SART1: variants seen among roughly 807,000 people sequenced by gnomAD.
SART1 encodes U4/U6.U5 tri-snRNP-associated protein 1.
Under a neutral mutation model 105.0 loss-of-function variants are expected in SART1, and 28 were observed. The observed-to-expected ratio is 0.27, with a 90% CI of 0.20 to 0.37. The LOEUF (loss-of-function observed/expected upper bound fraction) is 0.37, where lower values mean the gene tolerates loss of function less well. SART1 is among the 10% of genes least tolerant of loss of function. SART1 has a pLI of 1.00. For missense variants in SART1, 894 were observed against 1,106.5 expected (o/e 0.81, Z 2.72); for synonymous variants, 472 against 462.9 (o/e 1.02, Z -0.25).
At chr11:65,964,421 C>A in intron 2 of SART1, 94 bp from the exon 3 acceptor site, 2 of 1,433,408 alleles carry the variant, frequency 1.4e-6, no homozygotes, top group Non-Finnish European at 2.0e-6. Context: ...TGGGACCACT[C>A]ACTCCCACCC....
intron 12 of SART1, 58 bp downstream of exon 12, chr11:65,967,879 C>T: frequency 7.2e-7 from 1 of 1,383,960 alleles, no homozygotes; most frequent in Non-Finnish European, 9.6e-7. Flanking sequence ...TCACGAGCAC[C>T]TGTGTCATAG....
rs766921064 is a variant in SART1 at position 65,966,461 on chromosome 11, C to G, written c.1093C>G (p.Leu365Val). The change falls in exon 9 of 20, where the codon CTG becomes GTG. Residue 365 changes from leucine to valine, a missense_variant. This residue lies in a region of SART1 where 712 missense variants were observed against 778.2 expected (regional missense o/e 0.91). Coordinates refer to ENST00000312397, the MANE Select transcript of SART1 (RefSeq NM_005146.5). ...GGCTGATGGCCTGCGGGAGCGGGAG[C>G]TGGAGGAGATCCGGGCCAAGCTGCG... is the stretch of plus-strand genomic sequence containing the variant. ...GTADGLRERELEEIRAKLRLQ... is the reference protein window; with the variant it reads ...GTADGLREREVEEIRAKLRLQ... The G allele has an allele frequency of 1.2e-5, 19 of 1,612,596 alleles. No individual in the cohort carries two copies. Among genetic ancestry groups the G allele is most frequent in the African/African-American group, 2.7e-5 (2 of 74,944 alleles).
chr11:65,968,385 G>A (rs1855305991), intron 12 of SART1, among the ~76,000 whole-genome samples: 1 of 152,200 alleles, frequency 6.6e-6, no homozygotes, highest in East Asian at 1.9e-4. Flanking sequence ...GGGCTGAGAA[G>A]GTCATTGGTG....
At position 65,976,115 on chromosome 11, in the gene SART1, G is replaced by T. The variant is rs1335610962; in HGVS notation, c.1573-280G>T. On this transcript the variant is annotated intron_variant, in intron 12 of 19. Coordinates refer to ENST00000312397, the MANE Select transcript of SART1 (RefSeq NM_005146.5). This position sits in a 1 kb window ranked among gnomAD's most constrained non-coding sequence, Gnocchi z 5.1. ...TTTGAGGCTGAGGTAGTGTGTGAGG[G>T]GCTTTGGAGGGGGATTGGCACAGGC... Among the ~76,000 whole-genome samples, 2 of 152,086 alleles carry T rather than the reference G, an allele frequency of 1.3e-5. No individual in the cohort carries two copies. The highest frequency in any genetic ancestry group is 2.9e-5 in the Non-Finnish European group (2 of 68,020).
In SART1 at chr11:65,978,008, G is replaced by A. The variant is rs1590646307; in HGVS notation, c.2172+109G>A. 4.0e-6 allele frequency: 5 copies of A among 1,251,940 alleles called. No individual in the cohort carries two copies. Among genetic ancestry groups the A allele is most frequent in the Non-Finnish European group, 5.5e-6 (5 of 906,380 alleles). The allele number at this position is 1,251,940 out of a possible 1,614,324, so 77.6% of individuals were successfully genotyped here. On this transcript the variant is annotated intron_variant, in intron 17 of 19. Coordinates refer to ENST00000312397, the MANE Select transcript of SART1 (RefSeq NM_005146.5). This position sits in a 1 kb window ranked among gnomAD's most constrained non-coding sequence, Gnocchi z 6.8. ...ATGCCCCAGGGTCCTGGCTCCACCA[G>A]CCTCTGGCTGGGGGCCTGGTGAATG...
At chr11:65,967,992 C>G (rs1855297371) in intron 12 of SART1, among the ~76,000 whole-genome samples, 171 bp downstream of exon 12, 1 of 148,960 alleles carries the variant, frequency 6.7e-6, no homozygotes, top group Non-Finnish European at 1.5e-5. Context: ...CTCTTTCGCC[C>G]AGGCTGGAAT....
At chr11:65,965,547 G>T in intron 5 of SART1, 100 bp downstream of exon 5, 1 of 1,372,096 alleles carries the variant, frequency 7.3e-7, no homozygotes, top group Non-Finnish European at 1.0e-6. Context: ...GGGGCTTGGA[G>T]AAGGGAAGGG....
intron 12 of SART1, among the ~76,000 whole-genome samples, chr11:65,974,844 G>A (rs1855450958): frequency 1.3e-5 from 2 of 151,914 alleles, no homozygotes; most frequent in South Asian, 2.1e-4. Context: ...GACCATCCAG[G>A]CTAGTACGGT....
Position 65,967,770 on chromosome 11 carries a change from C to T in SART1, c.1521C>T (p.Arg507=), listed in dbSNP as rs762613445. 11 of 1,549,998 alleles carry T rather than the reference C, an allele frequency of 7.1e-6. No individual in the cohort carries two copies. In the African/African-American group the frequency reaches 1.5e-4, roughly 21 times the overall value. The change falls in exon 12 of 20, where the codon CGC becomes CGT. Residue 507 remains arginine, a synonymous_variant. Transcript: ENST00000312397. ...TGCAGAAGCAGCTGGAGAAGGGACG[C>T]CGGCTGCGACAGTTACAGCAGCTAC... ...LELQKQLEKG[R]RLRQLQQLQQ... is the part of the protein sequence containing the mutation.
At chr11:65,966,052 G>A in intron 7 of SART1, 24 bp from the exon 8 acceptor site, 1 of 1,613,828 alleles carries the variant, frequency 6.2e-7, no homozygotes, top group Non-Finnish European at 8.5e-7. Flanking sequence ...AGTGTGAATG[G>A]CCACTGCTCT....
Position 65,961,751 on chromosome 11 carries a change from G to T in SART1, c.-30G>T. 6.8e-7 allele frequency: 1 copy of T among 1,467,764 alleles called. No homozygotes were observed. The highest frequency in any genetic ancestry group is 9.0e-7 in the Non-Finnish European group (1 of 1,114,708). 90.9% of individuals were successfully genotyped at this position (1,467,764 alleles called of 1,614,324 possible). A position where few individuals can be genotyped will look rare whatever the true frequency, so the allele number is the denominator to read the frequency against. On this transcript the variant is annotated 5_prime_UTR_variant, in exon 1 of 20. Transcript: ENST00000312397. ...CCATTTTGCGTTGTCTGGGCTCGGC[G>T]GCAGCCGGGCTCGGAGTGGACGTGC...
intron 1 of SART1, among the ~76,000 whole-genome samples, chr11:65,963,784 C>A (rs879411852): frequency 9.9e-5 from 15 of 152,066 alleles, no homozygotes; most frequent in Non-Finnish European, 1.5e-4. Flanking sequence ...CCGGCCCAGA[C>A]CTTGTCTGTT....
At chr11:65,962,576 A>G (rs929311671) in intron 1 of SART1, among the ~76,000 whole-genome samples, 30 of 152,352 alleles carry the variant, frequency 2.0e-4, no homozygotes, top group African/African-American at 7.0e-4. Flanking sequence ...ATGTGAACAC[A>G]AAGGACCCTG....
At position 65,978,899 on chromosome 11, in the gene SART1, G is replaced by T; in HGVS notation, c.2369G>T (p.Gly790Val). Residue 790 changes from glycine (G) to valine (V), a missense_variant, in exon 19 of 20, where the codon GGC becomes GTC. Physicochemically the swap from Gly to Val is moderately radical, Grantham distance 109 (BLOSUM62 -3). Coordinates refer to ENST00000312397, the MANE Select transcript of SART1 (RefSeq NM_005146.5). This position sits in a 1 kb window ranked among gnomAD's most constrained non-coding sequence, Gnocchi z 6.8. ...CCCTACATCGTGCTCAGCGGCAGCGGCAAGAGCATGAACGCGTGAGTGGCT... is the reference window on the plus strand; with the variant it reads ...CCCTACATCGTGCTCAGCGGCAGCGTCAAGAGCATGAACGCGTGAGTGGCT... ...KTPYIVLSGS[G>V]KSMNANTITK is the part of the protein sequence containing the mutation. 1 of 1,614,036 alleles carries T rather than the reference G, an allele frequency of 6.2e-7. No homozygotes were observed. The highest frequency in any genetic ancestry group is 8.5e-7 in the Non-Finnish European group (1 of 1,179,980).
intron 3 of SART1, 22 bp downstream of exon 3, chr11:65,964,592 G>A (rs374906330): frequency 5.0e-6 from 8 of 1,594,034 alleles, no homozygotes; most frequent in Non-Finnish European, 6.8e-6. Context: ...GCTGAGGATA[G>A]GGTTTGGGGG....
Position 65,976,555 on chromosome 11 carries a change from AGGAGGAGCTCATGGTGCGTCTGGGGCG to A in SART1, c.1735_1746+15del. 6.2e-7 allele frequency: 1 copy of A among 1,611,904 alleles called. No homozygotes were observed. Among genetic ancestry groups the A allele is most frequent in the Non-Finnish European group, 8.5e-7 (1 of 1,178,960 alleles). ...GGGCTGGCTGGCAATCGCGAGGAGCAGGAGGAGCTCATGGTGCGTCTGGGGCGGCCCCGCCCTCTGCTTCCCTCGGCT... is the reference window on the plus strand; with the variant it reads ...GGGCTGGCTGGCAATCGCGAGGAGCAGCCCCGCCCTCTGCTTCCCTCGGCT... On this transcript the variant is annotated splice_donor_variant and splice_donor_5th_base_variant and coding_sequence_variant and intron_variant, in exon 13 of 20. Coordinates refer to ENST00000312397, the MANE Select transcript of SART1 (RefSeq NM_005146.5). LOFTEE classifies it high-confidence loss of function. This position sits in a 1 kb window ranked among gnomAD's most constrained non-coding sequence, Gnocchi z 5.1.
intron 12 of SART1, among the ~76,000 whole-genome samples, chr11:65,968,776 G>A (rs141923813): frequency 5.3e-5 from 8 of 152,240 alleles, no homozygotes; most frequent in African/African-American, 1.2e-4. Flanking sequence ...GAGGGGTGGC[G>A]TGAGCTGAGA....
In SART1 at chr11:65,965,944, T is replaced by G. The variant is rs1855243946; in HGVS notation, c.796T>G (p.Phe266Val). ...CACCGTGGAGCATGCCATTGATTCC[T>G]TCCGAGAAGGGGAGACAATGATTCT... ...GLTVEHAIDSFREGETMILTL... is the reference protein window; with the variant it reads ...GLTVEHAIDSVREGETMILTL... Residue 266 changes from phenylalanine (F) to valine (V), a missense_variant, in exon 7 of 20, where the codon TTC becomes GTC. Around this residue, in one of 2 missense-constraint regions of SART1, gnomAD observed 712 missense variants for 778.2 expected, o/e 0.91. Transcript: ENST00000312397. The G allele has an allele frequency of 6.2e-7, 1 of 1,614,114 alleles. No homozygotes were observed. The highest frequency in any genetic ancestry group is 1.1e-5 in the South Asian group (1 of 91,080).
intron 17 of SART1, 67 bp downstream of exon 17, chr11:65,977,966 A>G (rs1360534425): frequency 3.9e-6 from 6 of 1,528,094 alleles, no homozygotes; most frequent in East Asian, 2.3e-5. Context: ...GGGCCATGCA[A>G]TGCCCCGGGC....
Sources: gnomAD v4.1 joint callset for allele counts (sites outside exome capture counted in the v4.1 genomes callset) on GRCh38, gnomAD v4.1.1 for gene constraint, gnomAD v4.1.1 regional missense constraint, Gnocchi (gnomAD v3.1) non-coding constraint, MANE v1.5 for transcripts, NCBI Gene and HGNC (gene_info 2026-07-23, HGNC 2026-07-21) for gene names.